Variants in SLC35D4 observed in about 807,000 individuals in gnomAD.
SLC35D4 encodes solute carrier family 35 member D4.
the SLC35D4 span, chr18:23,309,605 T>C: frequency 7.3e-7 from 1 of 1,375,194 alleles, no homozygotes; most frequent in Admixed American, 1.7e-5. Context: ...TCTGCAACAT[T>C]TGAGAGCAAA....
chr18:23,399,757 T>TA, the SLC35D4 span: 1 of 1,003,404 alleles, frequency 1.0e-6, no homozygotes, highest in Non-Finnish European at 1.5e-6. Context: ...AGAGGCTGTC[T>TA]AAAAATCCCT....
chr18:23,247,536 A>G, the SLC35D4 span, among the ~76,000 whole-genome samples: 2 of 152,236 alleles, frequency 1.3e-5, no homozygotes, highest in Non-Finnish European at 1.5e-5. Flanking sequence ...GAGCGGGAGC[A>G]GGACACGGAA....
the SLC35D4 span, chr18:23,371,301 C>A: frequency 1.4e-6 from 1 of 731,828 alleles, no homozygotes; most frequent in South Asian, 2.3e-5. Flanking sequence ...CTCAAGGTTG[C>A]CCAGGCTGGT....
At chr18:23,402,514 G>T in the SLC35D4 span, among the ~76,000 whole-genome samples, 1 of 152,120 alleles carries the variant, frequency 6.6e-6, no homozygotes, top group African/African-American at 2.4e-5. Context: ...AGCAAAAGAT[G>T]ATTCCCTAGG....
chr18:23,248,054 CAG>C, the SLC35D4 span, among the ~76,000 whole-genome samples: 1 of 152,254 alleles, frequency 6.6e-6, no homozygotes, highest in Non-Finnish European at 1.5e-5. Flanking sequence ...GTAAAAAAGA[CAG>C]AGCCTCTCCC....
chr18:23,345,022 G>C, the SLC35D4 span, among the ~76,000 whole-genome samples: 5 of 152,074 alleles, frequency 3.3e-5, no homozygotes, highest in Non-Finnish European at 7.4e-5. Flanking sequence ...CAAACCCAAG[G>C]CCATTAAGGC....
the SLC35D4 span, among the ~76,000 whole-genome samples, chr18:23,299,062 C>T: frequency 6.6e-6 from 1 of 152,200 alleles, no homozygotes; most frequent in South Asian, 2.1e-4. Flanking sequence ...CCATTTTCCA[C>T]TTTAGCATAG....
chr18:23,275,011 G>GAGTGTGCT, the SLC35D4 span, among the ~76,000 whole-genome samples: 1 of 122,512 alleles, frequency 8.2e-6, no homozygotes, highest in Admixed American at 9.7e-5. Flanking sequence ...GCTTGTGTAT[G>GAGTGTGCT]TGTGTGCTTG....
chr18:23,405,207 A>G, the SLC35D4 span, among the ~76,000 whole-genome samples: 1 of 151,978 alleles, frequency 6.6e-6, no homozygotes, highest in Non-Finnish European at 1.5e-5. Context: ...TATTTATTTG[A>G]GATGGAGTCT....
At chr18:23,302,299 A>C in the SLC35D4 span, among the ~76,000 whole-genome samples, 2 of 152,218 alleles carry the variant, frequency 1.3e-5, no homozygotes, top group Admixed American at 1.3e-4. Context: ...TCTTGCTGAA[A>C]TTTCAAATGG....
chr18:23,250,849 G>A, the SLC35D4 span, among the ~76,000 whole-genome samples: 1 of 152,228 alleles, frequency 6.6e-6, no homozygotes. Flanking sequence ...TGGTGGAATT[G>A]TTGGAGTTAA....
At chr18:23,362,374 A>C in the SLC35D4 span, among the ~76,000 whole-genome samples, 1 of 152,156 alleles carries the variant, frequency 6.6e-6, no homozygotes. Flanking sequence ...TGAGGCAGGC[A>C]GATCACTTGA....
chr18:23,275,520 G>C, the SLC35D4 span, among the ~76,000 whole-genome samples: 3 of 152,138 alleles, frequency 2.0e-5, no homozygotes, highest in Non-Finnish European at 4.4e-5. Flanking sequence ...AGAACAAGCT[G>C]AACTACAGAG....
chr18:23,288,920 GGACAA>G, the SLC35D4 span, among the ~76,000 whole-genome samples: 1 of 152,144 alleles, frequency 6.6e-6, no homozygotes, highest in African/African-American at 2.4e-5. Flanking sequence ...AACTTAAAAA[GGACAA>G]GACAATAGTT....
chr18:23,303,698 C>T, the SLC35D4 span, among the ~76,000 whole-genome samples: 15 of 150,402 alleles, frequency 1.0e-4, no homozygotes, highest in African/African-American at 3.7e-4. Context: ...GCCAGGAGTT[C>T]GAGACCAGCC....
the SLC35D4 span, among the ~76,000 whole-genome samples, chr18:23,289,750 G>T: frequency 5.4e-3 from 823 of 152,208 alleles, 7 homozygotes; most frequent in African/African-American, 0.019. Context: ...CACCACAAAA[G>T]AAGTGAAAAT....
chr18:23,250,132 TC>T, the SLC35D4 span, among the ~76,000 whole-genome samples: 3 of 152,194 alleles, frequency 2.0e-5, no homozygotes, highest in East Asian at 1.9e-4. Context: ...TCCAGTCCCC[TC>T]CCACAGGCAC....
At chr18:23,275,072 G>A in the SLC35D4 span, among the ~76,000 whole-genome samples, 1 of 140,078 alleles carries the variant, frequency 7.1e-6, no homozygotes, top group African/African-American at 3.1e-5. Flanking sequence ...GTGTGCTTGT[G>A]TGTGTGTGTG....
the SLC35D4 span, among the ~76,000 whole-genome samples, chr18:23,431,153 C>CAAAAAAAAAAAA: frequency 4.5e-5 from 3 of 66,248 alleles, no homozygotes; most frequent in East Asian, 4.8e-4. Flanking sequence ...GAGTATATCT[C>CAAAAAAAAAAAA]AAAAAAAAAA....
Sources: allele counts gnomAD v4.1 joint callset (sites outside exome capture counted in the v4.1 genomes callset), GRCh38; gene constraint gnomAD v4.1.1; transcripts MANE v1.5; gene names NCBI Gene and HGNC (gene_info 2026-07-23, HGNC 2026-07-21).